The following GTF3C6 variants were observed in gnomAD, a reference collection of about 807,000 sequenced individuals.
GTF3C6 encodes general transcription factor IIIC subunit 6.
In GTF3C6, 11 loss-of-function variants were observed where a neutral mutation model predicts 19.2. The observed-to-expected ratio is 0.57, with a 90% CI of 0.36 to 0.95. The LOEUF is 0.95. Ranked by LOEUF, GTF3C6 falls within the 40% of genes least tolerant of loss-of-function variation. The pLI is 0.01. For synonymous variants in GTF3C6, 87 were observed against 84.2 expected (o/e 1.03, Z -0.18); for missense variants, 222 against 254.7 (o/e 0.87, Z 0.87).
intron 2 of GTF3C6, among the ~76,000 whole-genome samples, chr6:110,960,014 C>T (rs1771139022): frequency 6.6e-6 from 1 of 152,050 alleles, no homozygotes; most frequent in African/African-American, 2.4e-5. Flanking sequence ...TGGCATGCGC[C>T]TGTGGTCCCT....
chr6:110,958,969 G>A (rs1771122242), intron 1 of GTF3C6, 143 bp downstream of exon 1: 1 of 1,021,004 alleles, frequency 9.8e-7, no homozygotes, highest in Non-Finnish European at 1.4e-6. Flanking sequence ...GGCGCGAGGA[G>A]CCGGGCAGCT....
intron 5 of GTF3C6, among the ~76,000 whole-genome samples, chr6:110,963,810 T>G (rs1235189985): frequency 2.0e-5 from 3 of 151,580 alleles, no homozygotes; most frequent in Non-Finnish European, 4.4e-5. Context: ...CAAGCGATTC[T>G]CCTGCCTCAG....
At chr6:110,961,161 T>C (rs1771155324) in intron 4 of GTF3C6, among the ~76,000 whole-genome samples, 1 of 151,730 alleles carries the variant, frequency 6.6e-6, no homozygotes, top group Admixed American at 6.6e-5. Flanking sequence ...TGAATTCTTT[T>C]TTTTTTTGAG....
At chr6:110,964,987 C>G (rs1303127014) in intron 5 of GTF3C6, among the ~76,000 whole-genome samples, 2 of 151,746 alleles carry the variant, frequency 1.3e-5, no homozygotes, top group Non-Finnish European at 2.9e-5. Flanking sequence ...CACGCACCAG[C>G]ACGCCCAGCT....
chr6:110,960,455 T>C lies in GTF3C6; in HGVS notation c.180T>C (p.Cys60=). ...TERPILQVDS[C]VFAGEYEDTL... is the part of the protein sequence containing the mutation. ...GGCCCATTCTGCAAGTGGACAGCTG[T>C]GTCTTTGCTGGGGAGTATGAAGGTA... Residue 60 remains cysteine (C), a synonymous_variant, in exon 3 of 6, where the codon TGT becomes TGC. Coordinates refer to ENST00000329970, the MANE Select transcript of GTF3C6 (RefSeq NM_138408.4). 1 of 1,613,938 alleles carries C rather than the reference T, an allele frequency of 6.2e-7. No individual in the cohort carries two copies. The highest frequency in any genetic ancestry group is 1.1e-5 in the South Asian group (1 of 91,080).
At chr6:110,959,148 G>A (rs763527927) in intron 1 of GTF3C6, 24 bp from the exon 2 acceptor site, 43 of 1,553,006 alleles carry the variant, frequency 2.8e-5, no homozygotes, top group Non-Finnish European at 3.6e-5. Flanking sequence ...GTGCTAGCAT[G>A]TTAACCCCTC....
At chr6:110,966,849 T>C (rs865773774) in intron 5 of GTF3C6, among the ~76,000 whole-genome samples, 25 of 152,044 alleles carry the variant, frequency 1.6e-4, no homozygotes, top group Admixed American at 1.3e-3. Context: ...TAGTTGAAGC[T>C]GAATTGGAAG....
At chr6:110,966,504 A>T (rs1771231158) in intron 5 of GTF3C6, among the ~76,000 whole-genome samples, 1 of 152,058 alleles carries the variant, frequency 6.6e-6, no homozygotes. Context: ...CAGTCTTGTC[A>T]TTTCCACAAT....
chr6:110,964,702 C>T (rs1441891935), intron 5 of GTF3C6, among the ~76,000 whole-genome samples: 3 of 151,574 alleles, frequency 2.0e-5, no homozygotes, highest in African/African-American at 7.3e-5. Flanking sequence ...AGTGCAGTGG[C>T]GTGATCTCAG....
intron 4 of GTF3C6, among the ~76,000 whole-genome samples, chr6:110,961,993 C>T (rs979057051): frequency 5.3e-5 from 8 of 152,056 alleles, no homozygotes; most frequent in Non-Finnish European, 1.0e-4. Flanking sequence ...ACCTCCGCCT[C>T]CTGGGTTCAA....
chr6:110,960,492 G>C lies in GTF3C6; in HGVS notation c.202+15G>C, dbSNP rs761199411. 2.5e-6 allele frequency: 4 copies of C among 1,613,636 alleles called. No homozygotes were observed. Among genetic ancestry groups the C allele is most frequent in the Non-Finnish European group, 3.4e-6 (4 of 1,179,654 alleles). On this transcript the variant is annotated intron_variant, in intron 3 of 5. Coordinates refer to ENST00000329970, the MANE Select transcript of GTF3C6 (RefSeq NM_138408.4). ...GGAGTATGAAGGTAGGAGGATGTCA[G>C]ATAGATGGAACTCTTTCTGATATGG...
intron 4 of GTF3C6, among the ~76,000 whole-genome samples, chr6:110,961,909 T>G (rs1239701825): frequency 1.1e-5 from 1 of 87,550 alleles, no homozygotes; most frequent in Non-Finnish European, 2.2e-5. Flanking sequence ...TAACGTATTT[T>G]TTTTTTTTTC....
At chr6:110,966,590 C>T (rs1771232041) in intron 5 of GTF3C6, among the ~76,000 whole-genome samples, 1 of 152,166 alleles carries the variant, frequency 6.6e-6, no homozygotes, top group South Asian at 2.1e-4. Flanking sequence ...GACCATCTTG[C>T]AGTCTGGCTA....
chr6:110,960,988 G>A (rs1771153094), intron 4 of GTF3C6, among the ~76,000 whole-genome samples: 1 of 151,922 alleles, frequency 6.6e-6, no homozygotes, highest in Non-Finnish European at 1.5e-5. Flanking sequence ...GGAGGTTGCA[G>A]TGAGCCGAGA....
intron 5 of GTF3C6, among the ~76,000 whole-genome samples, chr6:110,965,155 T>TA (rs1412933773): frequency 7.0e-5 from 9 of 128,962 alleles, no homozygotes; most frequent in Non-Finnish European, 1.5e-4. Context: ...TTTTTTTTTT[T>TA]AAATAGAGAC....
intron 3 of GTF3C6, 47 bp from the exon 4 acceptor site, chr6:110,960,525 A>C: frequency 6.2e-6 from 10 of 1,610,828 alleles, no homozygotes; most frequent in Non-Finnish European, 8.5e-6. Context: ...TGGGCTTTTC[A>C]GAGATGGTAG....
chr6:110,964,633 T>C (rs2114259444), intron 5 of GTF3C6, among the ~76,000 whole-genome samples: 1 of 151,598 alleles, frequency 6.6e-6, no homozygotes, highest in Admixed American at 6.6e-5. Context: ...TCTTTTCCTT[T>C]TGACGTTTTT....
At chr6:110,961,323 CT>C (rs948959621) in intron 4 of GTF3C6, among the ~76,000 whole-genome samples, 1 of 151,708 alleles carries the variant, frequency 6.6e-6, no homozygotes, top group Non-Finnish European at 1.5e-5. Context: ...GGTAATTTTT[CT>C]ATTTTTGGTA....
rs1467092714 is a variant in GTF3C6, at chr6:110,967,732, T to C, written c.584T>C (p.Ile195Thr). ...HLEIEDSGPL[I>T]DIPSETEGSV... ...GAAATAGAAGATTCTGGTCCTCTTA[T>C]TGATATACCTTCTGAGACAGAAGGT... The change falls in exon 6 of 6, where the codon ATT becomes ACT. Residue 195 changes from isoleucine to threonine, a missense_variant. Transcript: ENST00000329970. 3 of 1,613,690 alleles carry C rather than the reference T, an allele frequency of 1.9e-6. No individual in the cohort carries two copies. The highest frequency in any genetic ancestry group is 2.2e-5 in the East Asian group (1 of 44,884).
Sources: gnomAD v4.1 joint callset for allele counts (sites outside exome capture counted in the v4.1 genomes callset) on GRCh38, gnomAD v4.1.1 for gene constraint, MANE v1.5 for transcripts, NCBI Gene and HGNC (gene_info 2026-07-23, HGNC 2026-07-21) for gene names.